The following C1D variants were observed in gnomAD, a reference collection of about 807,000 sequenced individuals.
The protein encoded by C1D is C1D nuclear receptor corepressor.
C1D carries 10 observed loss-of-function variants against 17.5 expected under a neutral mutation model. The observed-to-expected ratio is 0.57, with a 90% CI of 0.35 to 0.97. The LOEUF (loss-of-function observed/expected upper bound fraction) is 0.97. Among genes scored for constraint, C1D ranks in the 50% least tolerant of loss-of-function variants. The pLI is 0.01. For missense variants in C1D, 136 were observed against 160.1 expected (o/e 0.85, Z 0.81); for synonymous variants, 49 against 54.0 (o/e 0.91, Z 0.40).
At position 68,042,830 on chromosome 2, in the gene C1D, G is replaced by GGGC; in HGVS notation, c.*58_*59insGCC. 2 of 23,478 alleles carry GGGC rather than the reference G, an allele frequency of 8.5e-5. No homozygotes were observed. The highest frequency in any genetic ancestry group is 1.6e-4 in the Non-Finnish European group (2 of 12,132). The allele number at this position is 23,478 out of a possible 1,614,324, so 1.5% of individuals were successfully genotyped here. A position where few individuals can be genotyped will look rare whatever the true frequency, so the allele number is the denominator to read the frequency against. On this transcript the variant is annotated 3_prime_UTR_variant, in exon 5 of 5. Coordinates refer to ENST00000410067, the MANE Select transcript of C1D (RefSeq NM_173177.3). Reference sequence around the variant, plus strand: ...TGCCCTGCCACAGAATTATTTTGCGGGGGGGGGGGGGGGGGGGAAGATGTA... The same window carrying GGGC: ...TGCCCTGCCACAGAATTATTTTGCGGGGCGGGGGGGGGGGGGGGGGAAGATGTA...
chr2:68,056,012 G>A (rs1442542625), intron 1 of C1D, among the ~76,000 whole-genome samples: 2 of 152,168 alleles, frequency 1.3e-5, no homozygotes, highest in Non-Finnish European at 2.9e-5. Context: ...AGGTTACTGG[G>A]TGCTCACTAC....
At chr2:68,045,823 C>G (rs1671102516) in intron 4 of C1D, among the ~76,000 whole-genome samples, 165 bp downstream of exon 4, 1 of 151,664 alleles carries the variant, frequency 6.6e-6, no homozygotes, top group Non-Finnish European at 1.5e-5. Context: ...TACCAATTAT[C>G]TGAAAAAGGT....
chr2:68,055,128 G>C (rs1355123549), intron 1 of C1D, among the ~76,000 whole-genome samples: 1 of 152,058 alleles, frequency 6.6e-6, no homozygotes, highest in Non-Finnish European at 1.5e-5. Flanking sequence ...AACAAATGTA[G>C]AAGAAATGAC....
At chr2:68,049,823 C>T (rs1671231633) in intron 1 of C1D, among the ~76,000 whole-genome samples, 1 of 152,094 alleles carries the variant, frequency 6.6e-6, no homozygotes, top group Non-Finnish European at 1.5e-5. Context: ...AAATGGCTGA[C>T]AAACTTAACT....
intron 1 of C1D, among the ~76,000 whole-genome samples, chr2:68,048,743 A>G (rs1056089353): frequency 6.6e-6 from 1 of 152,198 alleles, no homozygotes; most frequent in Non-Finnish European, 1.5e-5. Context: ...CTGATTTCCA[A>G]TTTCAAAAGG....
intron 1 of C1D, among the ~76,000 whole-genome samples, chr2:68,051,924 C>T (rs954188167): frequency 6.6e-6 from 1 of 151,830 alleles, no homozygotes; most frequent in Admixed American, 6.6e-5. Context: ...CAAAAGGCAA[C>T]TGCATGGGAG....
intron 1 of C1D, 121 bp from the exon 2 acceptor site, chr2:68,047,440 G>A (rs1671161592): frequency 4.7e-6 from 3 of 635,634 alleles, no homozygotes; most frequent in Non-Finnish European, 7.4e-6. Context: ...AAAACCTGAA[G>A]ACAAATCTTT....
At chr2:68,046,644 T>TA (rs1177201181) in intron 2 of C1D, 6 of 456,964 alleles carry the variant, frequency 1.3e-5, no homozygotes, top group African/African-American at 1.0e-4. Flanking sequence ...CATCTTTAGT[T>TA]AGACAAGGAA....
At chr2:68,046,141 C>T in intron 3 of C1D, 98 bp from the exon 4 acceptor site, 1 of 936,096 alleles carries the variant, frequency 1.1e-6, no homozygotes, top group East Asian at 2.7e-5. Flanking sequence ...GAAAGTCCTA[C>T]AAACAATTAA....
intron 1 of C1D, among the ~76,000 whole-genome samples, chr2:68,049,083 GCTA>G: frequency 6.6e-6 from 1 of 152,036 alleles, no homozygotes. Context: ...TGTAATCCCA[GCTA>G]CTTGGGAGTC....
At chr2:68,056,683 G>T (rs1241057089) in intron 1 of C1D, among the ~76,000 whole-genome samples, 1 of 152,138 alleles carries the variant, frequency 6.6e-6, no homozygotes, top group Non-Finnish European at 1.5e-5. Context: ...CAGCCTTACT[G>T]ATAATTAAGG....
intron 1 of C1D, among the ~76,000 whole-genome samples, chr2:68,058,332 T>C (rs1007866277): frequency 6.6e-6 from 1 of 152,158 alleles, no homozygotes; most frequent in African/African-American, 2.4e-5. Flanking sequence ...ATCACAGAAA[T>C]ATAAAATTAC....
At chr2:68,059,293 C>A (rs568606259) in intron 1 of C1D, among the ~76,000 whole-genome samples, 2 of 152,192 alleles carry the variant, frequency 1.3e-5, no homozygotes, top group Admixed American at 6.5e-5. Context: ...AAATATCTCC[C>A]ACTAGGCCTA....
intron 1 of C1D, among the ~76,000 whole-genome samples, chr2:68,057,771 C>T (rs1022143689): frequency 6.6e-6 from 1 of 152,124 alleles, no homozygotes; most frequent in Non-Finnish European, 1.5e-5. Flanking sequence ...TTAGCAGCAA[C>T]AACTAAACCT....
intron 1 of C1D, chr2:68,053,015 C>T (rs1671333109): frequency 6.5e-7 from 1 of 1,544,430 alleles, no homozygotes; most frequent in Non-Finnish European, 8.7e-7. Context: ...AAAGAACATG[C>T]CTAAAGTTGT....
chr2:68,061,860 C>T (rs924344005), intron 1 of C1D, among the ~76,000 whole-genome samples: 1 of 152,214 alleles, frequency 6.6e-6, no homozygotes, highest in African/African-American at 2.4e-5. Context: ...ACATACAACA[C>T]AGCTAACTGA....
chr2:68,053,461 T>C (rs916179864), intron 1 of C1D, among the ~76,000 whole-genome samples: 3 of 152,234 alleles, frequency 2.0e-5, no homozygotes, highest in African/African-American at 7.2e-5. Context: ...TATGGCTCCC[T>C]TAATCTCCTT....
intron 1 of C1D, among the ~76,000 whole-genome samples, chr2:68,055,168 G>A (rs191331239): frequency 3.9e-4 from 59 of 152,096 alleles, no homozygotes; most frequent in Admixed American, 1.0e-3. Context: ...ACTTTGCAAC[G>A]CCTAATGAAA....
intron 1 of C1D, among the ~76,000 whole-genome samples, chr2:68,050,051 G>T (rs576873805): frequency 1.9e-4 from 29 of 152,314 alleles, no homozygotes; most frequent in Non-Finnish European, 3.4e-4. Flanking sequence ...AATGTTCAGT[G>T]TTAGAAAGGG....
Sources: gnomAD v4.1 joint callset for allele counts (sites outside exome capture counted in the v4.1 genomes callset) on GRCh38, gnomAD v4.1.1 for gene constraint, MANE v1.5 for transcripts, NCBI Gene and HGNC (gene_info 2026-07-23, HGNC 2026-07-21) for gene names.